FAM184A: variants seen among roughly 807,000 people sequenced by gnomAD.
The protein encoded by FAM184A is family with sequence similarity 184 member A.
A neutral mutation model predicts 143.8 loss-of-function variants in FAM184A; 99 were observed. The observed-to-expected ratio is 0.69, with a 90% CI of 0.58 to 0.81. FAM184A has a LOEUF of 0.81. FAM184A is among the 40% of genes least tolerant of loss of function. FAM184A has a pLI of 0.00. For missense variants in FAM184A, 1,217 were observed against 1,310.5 expected (o/e 0.93, Z 1.10); for synonymous variants, 427 against 446.4 (o/e 0.96, Z 0.55).
At chr6:119,051,057 T>C (rs1041214702) in intron 1 of FAM184A, among the ~76,000 whole-genome samples, 10 of 152,162 alleles carry the variant, frequency 6.6e-5, no homozygotes, top group Admixed American at 6.5e-4. Context: ...GCTTAACACC[T>C]GGGTGATGAA....
chr6:119,023,381 A>T (rs12664251), intron 2 of FAM184A, among the ~76,000 whole-genome samples: 1 of 152,000 alleles, frequency 6.6e-6, no homozygotes, highest in African/African-American at 2.4e-5. Context: ...TTTTTCCCCC[A>T]GACTTGTGCA....
At chr6:119,114,527 T>C (rs1266387725) in intron 1 of FAM184A, among the ~76,000 whole-genome samples, 4 of 152,194 alleles carry the variant, frequency 2.6e-5, no homozygotes, top group Non-Finnish European at 5.9e-5. Flanking sequence ...TTATCTGTTA[T>C]TTATTTTTTA....
chr6:119,056,817 C>T (rs764718717), intron 1 of FAM184A, among the ~76,000 whole-genome samples: 1 of 152,184 alleles, frequency 6.6e-6, no homozygotes, highest in South Asian at 2.1e-4. Context: ...CCATATAAGC[C>T]TGGTCTGGTG....
intron 1 of FAM184A, among the ~76,000 whole-genome samples, chr6:119,139,543 T>A (rs1328521298): frequency 6.6e-6 from 1 of 151,732 alleles, no homozygotes; most frequent in East Asian, 1.9e-4. Flanking sequence ...AGGAAAAAAT[T>A]CAAGTGAATA....
chr6:119,045,615 A>G (rs1786499405), intron 1 of FAM184A, among the ~76,000 whole-genome samples: 1 of 152,342 alleles, frequency 6.6e-6, no homozygotes, highest in African/African-American at 2.4e-5. Context: ...GATGTAGGGT[A>G]GGATACAAAA....
chr6:118,995,147 G>A (rs1784507561), intron 9 of FAM184A, among the ~76,000 whole-genome samples: 1 of 152,164 alleles, frequency 6.6e-6, no homozygotes, highest in Non-Finnish European at 1.5e-5. Context: ...GCCAGGCATG[G>A]TGGCTCATGT....
chr6:118,974,612 G>C, intron 13 of FAM184A, 38 bp from the exon 14 acceptor site: 1 of 1,528,666 alleles, frequency 6.5e-7, no homozygotes, highest in Non-Finnish European at 8.9e-7. Context: ...ATGTTATTCT[G>C]AAGTCAAGCT....
intron 16 of FAM184A, 116 bp from the exon 17 acceptor site, chr6:118,962,079 T>A: frequency 1.0e-6 from 1 of 952,620 alleles, no homozygotes; most frequent in Non-Finnish European, 1.6e-6. Flanking sequence ...TATGTTAAAT[T>A]AAAATGTTAA....
At chr6:119,081,081 A>G (rs1260642927), upstream of FAM184A, among the ~76,000 whole-genome samples, 3 of 152,122 alleles carry the variant, frequency 2.0e-5, no homozygotes, top group Non-Finnish European at 2.9e-5. Context: ...TGAGAACACC[A>G]CCAAGTGAAT....
chr6:119,049,654 C>G (rs1028023812), intron 1 of FAM184A, among the ~76,000 whole-genome samples: 3 of 152,118 alleles, frequency 2.0e-5, no homozygotes, highest in African/African-American at 4.8e-5. Flanking sequence ...GAATTGGACC[C>G]CTTCCTTACA....
chr6:119,023,608 G>A (rs1382223041), intron 2 of FAM184A, among the ~76,000 whole-genome samples: 1 of 127,770 alleles, frequency 7.8e-6, no homozygotes, highest in Non-Finnish European at 1.5e-5. Context: ...CACCCAGGCT[G>A]GTTTCTAACA....
intron 1 of FAM184A, among the ~76,000 whole-genome samples, chr6:119,044,452 A>G (rs576376259): frequency 1.3e-5 from 2 of 152,252 alleles, no homozygotes; most frequent in Non-Finnish European, 2.9e-5. Flanking sequence ...GTGTGGTGGT[A>G]TGCACTTAGA....
intron 8 of FAM184A, 102 bp from the exon 9 acceptor site, chr6:119,003,151 A>G (rs1784817587): frequency 2.9e-6 from 3 of 1,048,568 alleles, no homozygotes; most frequent in Non-Finnish European, 4.0e-6. Flanking sequence ...ATCCTCTTCA[A>G]AAGTCTATGA....
rs1413729662 is a variant in FAM184A, at chr6:118,981,907, C to T, written c.2089-1557G>A. On this transcript the variant is annotated intron_variant, in intron 9 of 17. Transcript: ENST00000338891. ...TATGAATTCTGCTTATTAATTTCTACAAAAACCTAAGGTTTCAGAGGTTAT... is the reference window on the plus strand; with the variant it reads ...TATGAATTCTGCTTATTAATTTCTATAAAAACCTAAGGTTTCAGAGGTTAT... Among the ~76,000 whole-genome samples, 6 of 152,160 alleles carry T rather than the reference C, an allele frequency of 3.9e-5. No individual in the cohort carries two copies. In the East Asian group the frequency reaches 9.6e-4, roughly 24 times the overall value.
In FAM184A at chr6:119,024,343, G is replaced by C; in HGVS notation, c.630C>G (p.Ala210=). The C allele has an allele frequency of 6.2e-7, 1 of 1,614,122 alleles. No individual in the cohort carries two copies. The highest frequency in any genetic ancestry group is 8.5e-7 in the Non-Finnish European group (1 of 1,180,036). ...CCTTTTCCTGGCCTTTATTTACTGA[G>C]GCACTGTGATCCTGCTGTGACTTCA... ...ELLKSQQDHS[A]SVNKGQEKAE... is the part of the protein sequence containing the mutation. Residue 210 remains alanine, a synonymous_variant, in exon 2 of 18, where the codon GCC becomes GCG. Transcript: ENST00000338891.
In FAM184A at chr6:119,041,196, G is replaced by A. The variant is rs554385870; in HGVS notation, c.160-16383C>T. Among the ~76,000 whole-genome samples the A allele has an allele frequency of 5.3e-5, 8 of 152,188 alleles. No homozygotes were observed. The South Asian group carries it at 1.0e-3, about 20-fold the overall frequency. ...GTGAGGGTTACTATAAGGTCGTGGC[G>A]ACAAGGCCAGCCCAAGGCCGCAGAC... On this transcript the variant is annotated intron_variant, in intron 1 of 17. Transcript: ENST00000338891.
At chr6:119,132,496 GTC>G (rs1166771654) in intron 1 of FAM184A, among the ~76,000 whole-genome samples, 1 of 152,218 alleles carries the variant, frequency 6.6e-6, no homozygotes, top group African/African-American at 2.4e-5. Context: ...CTGGATCCCA[GTC>G]TCTGTAATTC....
chr6:118,975,994 A>G lies in FAM184A; in HGVS notation c.2506T>C (p.Leu836=), dbSNP rs1783832983. Residue 836 remains leucine (L), a synonymous_variant, in exon 12 of 18, where the codon TTA becomes CTA. Coordinates refer to ENST00000338891, the MANE Select transcript of FAM184A (RefSeq NM_024581.6). The part of the protein sequence containing the change: ...NHQHAAAIDL[L]RHNHHQELAA... ...AATTCTTGATGATGATTATGCCGTAACAAATCAATTGCAGCTGCATGTTGA... is the reference window on the plus strand; with the variant it reads ...AATTCTTGATGATGATTATGCCGTAGCAAATCAATTGCAGCTGCATGTTGA... 1 of 1,613,480 alleles carries G rather than the reference A, an allele frequency of 6.2e-7. No individual in the cohort carries two copies. Among genetic ancestry groups the G allele is most frequent in the African/African-American group, 1.3e-5 (1 of 74,918 alleles).
Position 118,959,967 on chromosome 6 carries a change from A to C in FAM184A, c.*136T>G, listed in dbSNP as rs1783266477. The C allele has an allele frequency of 7.0e-6, 4 of 573,872 alleles. No homozygotes were observed. Among genetic ancestry groups the C allele is most frequent in the Admixed American group, 3.4e-5 (1 of 29,734 alleles). The allele number at this position is 573,872 out of a possible 1,614,324, so 35.5% of individuals were successfully genotyped here. ...TTCCAATAAATATCACAGGAAATAC[A>C]GTGCATTTTCAAGTTGGAGAGACAA... On this transcript the variant is annotated 3_prime_UTR_variant, in exon 18 of 18. Coordinates refer to ENST00000338891, the MANE Select transcript of FAM184A (RefSeq NM_024581.6).
Sources: allele counts gnomAD v4.1 joint callset (sites outside exome capture counted in the v4.1 genomes callset), GRCh38; gene constraint gnomAD v4.1.1; transcripts MANE v1.5; gene names NCBI Gene and HGNC (gene_info 2026-07-23, HGNC 2026-07-21).